The following PRKCH variants were observed in gnomAD, a reference collection of about 807,000 sequenced individuals.
PRKCH encodes the protein protein kinase C eta type.
A neutral mutation model predicts 82.5 loss-of-function variants in PRKCH; 28 were observed. That is an observed-to-expected ratio of 0.34 (90% CI 0.25 to 0.47). PRKCH has a LOEUF of 0.47. Ranked by LOEUF, PRKCH falls within the 20% of genes least tolerant of loss-of-function variation. The pLI is 1.00. For missense variants in PRKCH, 705 were observed against 881.8 expected (o/e 0.80, Z 2.54); for synonymous variants, 322 against 327.4 (o/e 0.98, Z 0.18).
At chr14:61,299,664 C>A (rs1341863939) in intron 1 of PRKCH, 2 of 150,702 alleles carry the variant, frequency 1.3e-5, no homozygotes, top group Non-Finnish European at 2.9e-5. Context: ...ACCACAGCAT[C>A]CTTGTCTCAA....
chr14:61,299,414 A>G (rs113583459), intron 1 of PRKCH, among the ~76,000 whole-genome samples: 2,113 of 152,304 alleles, frequency 0.014, 21 homozygotes, highest in Middle Eastern at 0.051. Flanking sequence ...CCTAATGCAC[A>G]TGCTTGAGCC....
chr14:61,528,960 G>T (rs545402480), intron 10 of PRKCH, 115 bp from the exon 11 acceptor site: 2 of 974,486 alleles, frequency 2.1e-6, no homozygotes, highest in African/African-American at 1.7e-5. Context: ...TCATGCGGCC[G>T]CATGTGGCCG....
intron 1 of PRKCH, among the ~76,000 whole-genome samples, chr14:61,328,392 C>T (rs73312663): frequency 0.048 from 7,256 of 151,098 alleles, 272 homozygotes; most frequent in East Asian, 0.16. Flanking sequence ...GATTTTAAAA[C>T]TTGTAATACG....
intron 9 of PRKCH, among the ~76,000 whole-genome samples, chr14:61,465,144 T>A (rs565707320): frequency 6.6e-6 from 1 of 152,372 alleles, no homozygotes; most frequent in African/African-American, 2.4e-5. Flanking sequence ...CAGATATGTG[T>A]TTTACAAATA....
chr14:61,384,752 G>C (rs1335266127), intron 1 of PRKCH, among the ~76,000 whole-genome samples: 1 of 152,044 alleles, frequency 6.6e-6, no homozygotes, highest in African/African-American at 2.4e-5. Context: ...GCTTTCCCGA[G>C]TGGCTGCTGC....
rs140606894 is a variant in PRKCH, at chr14:61,531,785, T to C, written c.1761+1190T>C. ...CTTTGGGATTCTACCAAATATCTCC[T>C]ATCTAACATGTTTTTGTAAGAACAG... On this transcript the variant is annotated intron_variant, in intron 12 of 13. Coordinates refer to ENST00000332981, the MANE Select transcript of PRKCH (RefSeq NM_006255.5). Among the ~76,000 whole-genome samples, 93 of 152,382 alleles carry C rather than the reference T, an allele frequency of 6.1e-4. No individual in the cohort carries two copies. In the East Asian group the frequency reaches 0.017, roughly 27 times the overall value.
intron 1 of PRKCH, among the ~76,000 whole-genome samples, chr14:61,372,026 A>G (rs568586068): frequency 2.0e-4 from 31 of 152,206 alleles, no homozygotes; most frequent in East Asian, 1.3e-3. Context: ...AGCTGTTTCA[A>G]TAGGCTCCTG....
chr14:61,190,620 C>T (rs895706619), intron 1 of PRKCH, among the ~76,000 whole-genome samples: 15 of 152,172 alleles, frequency 9.9e-5, no homozygotes, highest in African/African-American at 3.6e-4. Context: ...AAGGCTTGCC[C>T]GTGTGGTCCC....
intron 1 of PRKCH, among the ~76,000 whole-genome samples, chr14:61,215,948 C>T (rs908145990): frequency 3.9e-5 from 6 of 152,116 alleles, no homozygotes; most frequent in Admixed American, 6.5e-5. Context: ...GGTTTTAAGA[C>T]GCATCCAGGA....
At chr14:61,392,962 G>A (rs948372238) in intron 2 of PRKCH, among the ~76,000 whole-genome samples, 5 of 151,378 alleles carry the variant, frequency 3.3e-5, no homozygotes, top group Non-Finnish European at 4.4e-5. Flanking sequence ...TTCAATACAC[G>A]AATGCAGTTG....
At chr14:61,209,679 CT>C (rs1030906231) in intron 1 of PRKCH, among the ~76,000 whole-genome samples, 3 of 151,992 alleles carry the variant, frequency 2.0e-5, no homozygotes, top group African/African-American at 7.2e-5. Flanking sequence ...TTCATTTTTT[CT>C]TTTAGATGCA....
intron 1 of PRKCH, among the ~76,000 whole-genome samples, chr14:61,333,705 TAAAAA>T (rs953958709): frequency 6.6e-6 from 1 of 152,138 alleles, no homozygotes; most frequent in Admixed American, 6.5e-5. Flanking sequence ...GATGAAAACT[TAAAAA>T]AACAAAACTA....
At chr14:61,429,321 G>C (rs1241397833) in intron 2 of PRKCH, among the ~76,000 whole-genome samples, 11 of 152,210 alleles carry the variant, frequency 7.2e-5, no homozygotes, top group Admixed American at 7.2e-4. Flanking sequence ...TTGGGTAACA[G>C]CTTAAATAGA....
rs117792101 is a variant in PRKCH, at chr14:61,312,790, C to T, written c.-19+125122C>T. On this transcript the variant is annotated intron_variant, in intron 1 of 3. Transcript: ENST00000555185. ...ATGATTCGATTACCTCCCACTGGCT[C>T]CCTCCACAACATGTGGGGATTATGG... 6.9e-3 allele frequency among the ~76,000 whole-genome samples: 1,049 copies of T among 152,166 alleles called. 38 individuals are homozygous for T. In the East Asian group the frequency reaches 0.094, roughly 14 times the overall value.
intron 1 of PRKCH, chr14:61,278,661 G>A (rs1450079653): frequency 6.6e-6 from 1 of 152,086 alleles, no homozygotes; most frequent in African/African-American, 2.4e-5. Context: ...AAATAAACTG[G>A]TAAGATGATA....
At chr14:61,528,612 T>C (rs1307348068) in intron 10 of PRKCH, among the ~76,000 whole-genome samples, 1 of 151,712 alleles carries the variant, frequency 6.6e-6, no homozygotes, top group Non-Finnish European at 1.5e-5. Context: ...ACACTGTGAG[T>C]TCCTTGCAGA....
chr14:61,440,221 A>G (rs757373924), intron 2 of PRKCH, among the ~76,000 whole-genome samples: 1 of 152,230 alleles, frequency 6.6e-6, no homozygotes, highest in Non-Finnish European at 1.5e-5. Context: ...AATGACTTCT[A>G]GAAGTATCAT....
chr14:61,252,513 A>G (rs2044955605), intron 1 of PRKCH, among the ~76,000 whole-genome samples: 1 of 152,198 alleles, frequency 6.6e-6, no homozygotes, highest in African/African-American at 2.4e-5. Context: ...TGCCAAGGTC[A>G]GAGCACTCAC....
Position 61,280,774 on chromosome 14 carries a change from C to T in PRKCH, c.-19+93106C>T, listed in dbSNP as rs752790438. ...CAGCTGCGCGTCGTCGCGGGACACG[C>T]CGTAGCGCCGGTTGTTCTGGTAGAA... On this transcript the variant is annotated intron_variant, in intron 1 of 3. Coordinates refer to the PRKCH transcript ENST00000555185. The surrounding 1 kb of genome is among the most constrained non-coding windows in gnomAD (Gnocchi z 5.0). 1.3e-6 allele frequency: 2 copies of T among 1,554,896 alleles called. No individual in the cohort carries two copies. Among genetic ancestry groups the T allele is most frequent in the Non-Finnish European group, 1.7e-6 (2 of 1,158,966 alleles).
Sources: allele counts gnomAD v4.1 joint callset (sites outside exome capture counted in the v4.1 genomes callset), GRCh38; gene constraint gnomAD v4.1.1; non-coding constraint Gnocchi (gnomAD v3.1); transcripts MANE v1.5; gene names NCBI Gene and HGNC (gene_info 2026-07-23, HGNC 2026-07-21).